MRTFA: variants seen among roughly 807,000 people sequenced by gnomAD.
MRTFA encodes the protein myocardin-related transcription factor A.
MRTFA carries 20 observed loss-of-function variants against 83.5 expected under a neutral mutation model. The ratio of observed to expected loss-of-function variants is 0.24; its 90% CI spans 0.17 to 0.35. The LOEUF is 0.35. Ranked by LOEUF, MRTFA falls within the 10% of genes least tolerant of loss-of-function variation. MRTFA has a pLI of 1.00. For synonymous variants in MRTFA, 659 were observed against 541.2 expected, an observed-to-expected ratio of 1.22 and a Z score of -3.02; for missense variants, 1,200 against 1,224.7, an observed-to-expected ratio of 0.98 and a Z score of 0.30.
chr22:40,489,796 T>C (rs768018139), intron 3 of MRTFA, among the ~76,000 whole-genome samples: 1 of 151,802 alleles, frequency 6.6e-6, no homozygotes, highest in African/African-American at 2.4e-5. Context: ...CTGGCTAACA[T>C]GGTGAAATCC....
chr22:40,442,368 C>A (rs2053292694), intron 4 of MRTFA, among the ~76,000 whole-genome samples: 1 of 152,206 alleles, frequency 6.6e-6, no homozygotes, highest in African/African-American at 2.4e-5. Context: ...ACAGTCCAAG[C>A]AGCCCTTCTT....
chr22:40,604,754 G>C (rs1327777408), intron 1 of MRTFA, among the ~76,000 whole-genome samples: 2 of 151,304 alleles, frequency 1.3e-5, no homozygotes, highest in Admixed American at 6.6e-5. Context: ...TCAAAAAAAG[G>C]AAAAAAAAGA....
intron 3 of MRTFA, among the ~76,000 whole-genome samples, chr22:40,513,492 T>C (rs1185162603): frequency 2.0e-5 from 3 of 151,550 alleles, no homozygotes; most frequent in South Asian, 2.1e-4. Context: ...TCCCAGCTAT[T>C]TGGGAGGCTA....
intron 3 of MRTFA, among the ~76,000 whole-genome samples, chr22:40,511,120 G>A (rs1330293453): frequency 6.6e-6 from 1 of 152,182 alleles, no homozygotes; most frequent in African/African-American, 2.4e-5. Flanking sequence ...TTGGAGGAGA[G>A]TTGAACTATA....
intron 10 of MRTFA, 62 bp from the exon 11 acceptor site, chr22:40,420,638 G>A: frequency 6.3e-7 from 1 of 1,583,788 alleles, no homozygotes; most frequent in South Asian, 1.2e-5. Context: ...GCAGGTGGCA[G>A]CCCAAGCCTG....
chr22:40,503,772 C>G (rs1233569264), intron 3 of MRTFA, among the ~76,000 whole-genome samples: 1 of 152,056 alleles, frequency 6.6e-6, no homozygotes, highest in South Asian at 2.1e-4. Context: ...ACTAAAAATA[C>G]TTAGCCAGGC....
At chr22:40,427,496 T>G (rs966414975) in intron 7 of MRTFA, among the ~76,000 whole-genome samples, 16 of 152,260 alleles carry the variant, frequency 1.1e-4, no homozygotes, top group Middle Eastern at 6.8e-3. Flanking sequence ...TGAGCCTCTT[T>G]CTCTGAAGGC....
At chr22:40,459,094 ATGGAG>A (rs1289843232) in intron 4 of MRTFA, among the ~76,000 whole-genome samples, 1 of 150,494 alleles carries the variant, frequency 6.6e-6, no homozygotes, top group Admixed American at 6.6e-5. Context: ...AAAAAAAGAC[ATGGAG>A]TGGAGGGTGA....
Position 40,413,137 on chromosome 22 carries a change from C to CAA in MRTFA, c.2579-1232_2579-1231dup, listed in dbSNP as rs35119560. On this transcript the variant is annotated intron_variant, in intron 14 of 14. Transcript: ENST00000355630. ...TGGGAAACAGAGTGACACCCTGTCT[C>CAA]AAAAAAAAAAAAAAAAAAAAAAAAA... Among the ~76,000 whole-genome samples, 144 of 28,104 alleles carry CAA rather than the reference C, an allele frequency of 5.1e-3. 4 individuals are homozygous for CAA. The highest frequency in any genetic ancestry group is 9.6e-3 in the African/African-American group (52 of 5,422). 18.4% of individuals were successfully genotyped at this position (28,104 alleles called of 152,430 possible).
At chr22:40,556,959 GA>G (rs2055534915) in intron 2 of MRTFA, among the ~76,000 whole-genome samples, 1 of 152,194 alleles carries the variant, frequency 6.6e-6, no homozygotes, top group Admixed American at 6.5e-5. Context: ...TAGGACTTAG[GA>G]AAAGTGGTTT....
At chr22:40,467,611 G>C (rs1321528357) in intron 3 of MRTFA, among the ~76,000 whole-genome samples, 1 of 151,864 alleles carries the variant, frequency 6.6e-6, no homozygotes, top group Non-Finnish European at 1.5e-5. Flanking sequence ...ATAAATTTCA[G>C]AGGCCATAAA....
At chr22:40,623,136 G>C (rs1602507494) in intron 1 of MRTFA, among the ~76,000 whole-genome samples, 1 of 152,190 alleles carries the variant, frequency 6.6e-6, no homozygotes, top group Non-Finnish European at 1.5e-5. Context: ...CCAGATTAGA[G>C]AGAGTTAGAA....
At chr22:40,612,521 T>C (rs1177254603) in intron 1 of MRTFA, among the ~76,000 whole-genome samples, 4 of 152,230 alleles carry the variant, frequency 2.6e-5, no homozygotes, top group Admixed American at 2.6e-4. Context: ...AGTATTGACC[T>C]GGAGAGTACT....
chr22:40,622,477 A>G (rs1196598486), intron 1 of MRTFA, among the ~76,000 whole-genome samples: 1 of 148,664 alleles, frequency 6.7e-6, no homozygotes, highest in Non-Finnish European at 1.5e-5. Flanking sequence ...CGAGACTCCC[A>G]TCTCAAAAAA....
chr22:40,441,618 C>G (rs151033801), intron 4 of MRTFA, among the ~76,000 whole-genome samples: 1 of 152,046 alleles, frequency 6.6e-6, no homozygotes, highest in African/African-American at 2.4e-5. Flanking sequence ...AACCACCCCC[C>G]ACTACTAAAA....
intron 7 of MRTFA, among the ~76,000 whole-genome samples, chr22:40,426,553 T>C (rs898687796): frequency 4.6e-5 from 7 of 152,108 alleles, no homozygotes; most frequent in East Asian, 1.9e-4. Context: ...AATCACCCCA[T>C]TGCCAAATTC....
intron 1 of MRTFA, among the ~76,000 whole-genome samples, chr22:40,631,320 T>TGA (rs1474966148): frequency 6.6e-6 from 1 of 152,212 alleles, no homozygotes; most frequent in Non-Finnish European, 1.5e-5. Context: ...AAACCAATGA[T>TGA]GATCATAATA....
chr22:40,470,180 T>C (rs2053874689), intron 3 of MRTFA, among the ~76,000 whole-genome samples: 1 of 139,734 alleles, frequency 7.2e-6, no homozygotes, highest in Non-Finnish European at 1.5e-5. Flanking sequence ...GCCGAGATTG[T>C]ACCACTGCAT....
intron 5 of MRTFA, among the ~76,000 whole-genome samples, chr22:40,434,473 G>A (rs2053129227): frequency 6.6e-6 from 1 of 152,086 alleles, no homozygotes; most frequent in African/African-American, 2.4e-5. Flanking sequence ...TGTAATCCCA[G>A]GACTTTGGAA....
Sources: gnomAD v4.1 joint callset for allele counts (sites outside exome capture counted in the v4.1 genomes callset) on GRCh38, gnomAD v4.1.1 for gene constraint, MANE v1.5 for transcripts, NCBI Gene and HGNC (gene_info 2026-07-23, HGNC 2026-07-21) for gene names.